TANC2: variants seen among roughly 807,000 people sequenced by gnomAD.
TANC2 encodes the protein protein TANC2.
A neutral mutation model predicts 210.5 loss-of-function variants in TANC2; 26 were observed. The observed-to-expected ratio is 0.12, with a 90% CI of 0.09 to 0.17. TANC2 has a LOEUF of 0.17. Ranked by LOEUF, TANC2 falls within the 10% of genes least tolerant of loss-of-function variation. The pLI is 1.00. For missense variants in TANC2, 2,129 were observed against 2,608.9 expected, an observed-to-expected ratio of 0.82 and a Z score of 4.01; for synonymous variants, 931 against 967.1, an observed-to-expected ratio of 0.96 and a Z score of 0.69.
exon 28 of TANC2, chr17:63,422,048 C>T: frequency 6.9e-7 from 1 of 1,453,068 alleles, no homozygotes; most frequent in South Asian, 1.4e-5. Context: ...CTTAATTTCT[C>T]ATGTAGTTTC....
At chr17:63,283,201 G>T (rs914510026) in intron 9 of TANC2, among the ~76,000 whole-genome samples, 1 of 151,852 alleles carries the variant, frequency 6.6e-6, no homozygotes, top group African/African-American at 2.4e-5. Context: ...ATACCTAGTT[G>T]TTCCCGCACC....
At chr17:63,046,659 A>G (rs1309714873) in intron 2 of TANC2, among the ~76,000 whole-genome samples, 1 of 152,158 alleles carries the variant, frequency 6.6e-6, no homozygotes, top group South Asian at 2.1e-4. Flanking sequence ...TCAAATTTCT[A>G]GTTTCATTGC....
At chr17:63,318,666 A>G (rs981129528) in intron 10 of TANC2, among the ~76,000 whole-genome samples, 3 of 152,134 alleles carry the variant, frequency 2.0e-5, no homozygotes, top group Non-Finnish European at 4.4e-5. Flanking sequence ...CCGTTCTAGC[A>G]TGTATCGGTA....
chr17:63,224,828 A>G (rs992601854), intron 7 of TANC2, among the ~76,000 whole-genome samples: 3 of 152,110 alleles, frequency 2.0e-5, no homozygotes, highest in Non-Finnish European at 4.4e-5. Context: ...AGTCCCTTCT[A>G]ATCTCCACCA....
chr17:63,385,196 A>G (rs1598997181), intron 15 of TANC2, among the ~76,000 whole-genome samples: 1 of 152,176 alleles, frequency 6.6e-6, no homozygotes, highest in African/African-American at 2.4e-5. Flanking sequence ...TTTTTCCTTC[A>G]ACCATCATAT....
intron 3 of TANC2, among the ~76,000 whole-genome samples, chr17:63,077,214 T>C (rs1468139201): frequency 6.6e-6 from 1 of 152,170 alleles, no homozygotes; most frequent in Non-Finnish European, 1.5e-5. Context: ...TAAAGCAGCA[T>C]CTTCAGTATT....
intron 11 of TANC2, among the ~76,000 whole-genome samples, chr17:63,333,591 A>G (rs924935230): frequency 1.3e-5 from 2 of 152,238 alleles, no homozygotes; most frequent in Non-Finnish European, 2.9e-5. Context: ...GATTTAGAAT[A>G]TTACATATAC....
chr17:63,098,718 A>G (rs1246626407), intron 3 of TANC2, among the ~76,000 whole-genome samples: 1 of 151,952 alleles, frequency 6.6e-6, no homozygotes, highest in African/African-American at 2.4e-5. Context: ...AGATCATTAT[A>G]TAATAATGTC....
At chr17:63,192,576 C>T (rs983738599) in intron 5 of TANC2, among the ~76,000 whole-genome samples, 2 of 151,798 alleles carry the variant, frequency 1.3e-5, no homozygotes, top group African/African-American at 2.4e-5. Context: ...GTGTTGTGCT[C>T]ATTGGGAGCA....
At chr17:63,284,809 A>G (rs2044172256) in intron 9 of TANC2, among the ~76,000 whole-genome samples, 2 of 152,060 alleles carry the variant, frequency 1.3e-5, no homozygotes, top group Admixed American at 1.3e-4. Context: ...TGTTCGCTTA[A>G]TTATTAGAAG....
chr17:63,184,009 C>A (rs577149707), intron 5 of TANC2, among the ~76,000 whole-genome samples: 3 of 147,824 alleles, frequency 2.0e-5, no homozygotes, highest in Middle Eastern at 3.2e-3. Context: ...AGCGAGACTC[C>A]GTCTCAAAAA....
chr17:63,283,812 A>G (rs1013869273), intron 9 of TANC2, among the ~76,000 whole-genome samples: 4 of 151,906 alleles, frequency 2.6e-5, no homozygotes, highest in Admixed American at 2.0e-4. Flanking sequence ...AGTACAATTG[A>G]TTTTTACCAT....
At chr17:62,970,503 A>G (rs1170161014) in intron 1 of TANC2, among the ~76,000 whole-genome samples, 1 of 148,904 alleles carries the variant, frequency 6.7e-6, no homozygotes, top group Non-Finnish European at 1.5e-5. Context: ...TCTTTTCCCC[A>G]TAACTGCCTT....
At chr17:63,406,424 T>C in intron 21 of TANC2, 147 bp downstream of exon 21, 1 of 1,115,488 alleles carries the variant, frequency 9.0e-7, no homozygotes, top group Admixed American at 2.2e-5. Flanking sequence ...TCCCCTCTTG[T>C]ATTCAGTGTA....
At chr17:63,042,196 A>G (rs933602548) in intron 2 of TANC2, among the ~76,000 whole-genome samples, 1 of 152,128 alleles carries the variant, frequency 6.6e-6, no homozygotes, top group African/African-American at 2.4e-5. Context: ...TTAAATGGTA[A>G]TAGGTCAAAT....
At chr17:63,358,724 ATT>A (rs1414664120) in intron 14 of TANC2, among the ~76,000 whole-genome samples, 1 of 152,218 alleles carries the variant, frequency 6.6e-6, no homozygotes, top group Non-Finnish European at 1.5e-5. Flanking sequence ...AAAATAAGAC[ATT>A]TGAGAGAAGT....
At chr17:63,363,270 A>G (rs909035696) in intron 14 of TANC2, among the ~76,000 whole-genome samples, 1 of 152,032 alleles carries the variant, frequency 6.6e-6, no homozygotes, top group Non-Finnish European at 1.5e-5. Flanking sequence ...TCCCTTGTCA[A>G]ATGGGTAGTT....
At chr17:63,259,791 T>C (rs1019799120) in intron 8 of TANC2, among the ~76,000 whole-genome samples, 1 of 152,242 alleles carries the variant, frequency 6.6e-6, no homozygotes, top group African/African-American at 2.4e-5. Flanking sequence ...TTTGCTTTAA[T>C]GTAAATAGAA....
intron 9 of TANC2, among the ~76,000 whole-genome samples, chr17:63,293,976 A>G (rs943350811): frequency 2.0e-5 from 3 of 152,074 alleles, no homozygotes; most frequent in East Asian, 3.9e-4. Flanking sequence ...CAGTCTTCCC[A>G]CCTTAGCCTC....
Sources: allele counts gnomAD v4.1 joint callset (sites outside exome capture counted in the v4.1 genomes callset), GRCh38; gene constraint gnomAD v4.1.1; transcripts MANE v1.5; gene names NCBI Gene and HGNC (gene_info 2026-07-23, HGNC 2026-07-21).